RBFOX1: variants seen among roughly 807,000 people sequenced by gnomAD.
RBFOX1 encodes RNA binding protein fox-1 homolog 1.
In RBFOX1, 8 loss-of-function variants were observed where a neutral mutation model predicts 57.7. The observed-to-expected ratio is 0.14, with a 90% CI of 0.08 to 0.25. The LOEUF (loss-of-function observed/expected upper bound fraction) is 0.25, where lower values mean the gene tolerates loss of function less well. Among genes scored for constraint, RBFOX1 ranks in the 10% least tolerant of loss-of-function variants. The pLI is 1.00. For synonymous variants in RBFOX1, 326 were observed against 222.4 expected (o/e 1.47, Z -4.15); for missense variants, 611 against 548.5 (o/e 1.11, Z -1.14).
At chr16:6,173,000 A>G (rs972468286) in intron 1 of RBFOX1, among the ~76,000 whole-genome samples, 1 of 152,148 alleles carries the variant, frequency 6.6e-6, no homozygotes, top group African/African-American at 2.4e-5. Context: ...CTTCGAAGCC[A>G]GGGATGTAGC....
chr16:6,231,957 G>C (rs1437932195), intron 1 of RBFOX1, among the ~76,000 whole-genome samples: 1 of 147,280 alleles, frequency 6.8e-6, no homozygotes, highest in Non-Finnish European at 1.5e-5. Context: ...ATCAAATAAA[G>C]CAAATTATGC....
At position 7,321,617 on chromosome 16, in the gene RBFOX1, G is replaced by C. The variant is rs181550403; in HGVS notation, c.28-196530G>C. On this transcript the variant is annotated intron_variant, in intron 4 of 15. Transcript: ENST00000550418. Reference sequence around the variant, plus strand: ...CACAGTAATATGAAGATAGTCATAGGATTTACCTTATAGGATAGTTGTGAA... The same window carrying C: ...CACAGTAATATGAAGATAGTCATAGCATTTACCTTATAGGATAGTTGTGAA... Among the ~76,000 whole-genome samples, 41 of 152,284 alleles carry C rather than the reference G, an allele frequency of 2.7e-4. No individual in the cohort carries two copies. The East Asian group carries it at 7.7e-3, about 29-fold the overall frequency.
At chr16:6,046,040 G>C (rs77219091) in intron 1 of RBFOX1, among the ~76,000 whole-genome samples, 85 of 152,346 alleles carry the variant, frequency 5.6e-4, no homozygotes, top group African/African-American at 1.7e-3. Flanking sequence ...TAAGGACTTT[G>C]AGTGCTTTTC....
At chr16:6,509,943 G>C (rs748189851) in intron 2 of RBFOX1, among the ~76,000 whole-genome samples, 1 of 152,168 alleles carries the variant, frequency 6.6e-6, no homozygotes, top group Non-Finnish European at 1.5e-5. Context: ...CATAAGTGAT[G>C]GGATGTTTAC....
chr16:5,322,799 C>T (rs1282993148), intron 1 of RBFOX1, among the ~76,000 whole-genome samples: 1 of 152,204 alleles, frequency 6.6e-6, no homozygotes, highest in Non-Finnish European at 1.5e-5. Context: ...CTACCTTATT[C>T]TACTTATTTT....
chr16:6,798,446 G>A (rs1003176859), intron 3 of RBFOX1, among the ~76,000 whole-genome samples: 1 of 152,188 alleles, frequency 6.6e-6, no homozygotes, highest in East Asian at 1.9e-4. Flanking sequence ...ACAGAGAGCT[G>A]CTATGTTGTT....
intron 1 of RBFOX1, among the ~76,000 whole-genome samples, chr16:6,148,891 C>T (rs377562232): frequency 1.3e-5 from 2 of 152,098 alleles, no homozygotes; most frequent in Non-Finnish European, 2.9e-5. Context: ...TTTCCACCCC[C>T]CTCCCTGCCA....
intron 4 of RBFOX1, among the ~76,000 whole-genome samples, chr16:7,244,043 T>A (rs1157229009): frequency 1.3e-5 from 2 of 152,128 alleles, no homozygotes; most frequent in African/African-American, 4.8e-5. Flanking sequence ...TGATCTTTGT[T>A]TTCACAGCAA....
chr16:6,926,670 G>C (rs890855640), intron 3 of RBFOX1, among the ~76,000 whole-genome samples: 5 of 152,118 alleles, frequency 3.3e-5, no homozygotes, highest in African/African-American at 1.2e-4. Context: ...AAACATATGT[G>C]CATGGTTAAG....
chr16:7,322,427 C>T (rs1034571708), intron 4 of RBFOX1, among the ~76,000 whole-genome samples: 28 of 152,370 alleles, frequency 1.8e-4, no homozygotes, highest in African/African-American at 5.5e-4. Flanking sequence ...AACAGCCATC[C>T]AAGCTGTTAA....
chr16:7,510,003 T>A (rs1167999003), intron 4 of RBFOX1: 2 of 199,764 alleles, frequency 1.0e-5, no homozygotes, highest in Non-Finnish European at 1.7e-5. Context: ...TATATAATCA[T>A]CTGCTCAGTG....
chr16:7,678,891 C>T (rs2074055768), intron 14 of RBFOX1, among the ~76,000 whole-genome samples: 1 of 152,150 alleles, frequency 6.6e-6, no homozygotes, highest in African/African-American at 2.4e-5. Flanking sequence ...TCTTTAATAA[C>T]TGCAATTCCA....
intron 3 of RBFOX1, among the ~76,000 whole-genome samples, chr16:6,870,230 A>T (rs1199906472): frequency 6.6e-6 from 1 of 152,162 alleles, no homozygotes; most frequent in Admixed American, 6.5e-5. Flanking sequence ...CAAGAGAGTT[A>T]GCAGCCTGGG....
chr16:6,003,436 G>A (rs2060636247), intron 4 of RBFOX1, among the ~76,000 whole-genome samples: 1 of 152,090 alleles, frequency 6.6e-6, no homozygotes, highest in African/African-American at 2.4e-5. Flanking sequence ...TTCTCCTCCT[G>A]CATTTTGGTG....
At chr16:7,377,002 G>T (rs1286046621) in intron 4 of RBFOX1, among the ~76,000 whole-genome samples, 1 of 152,154 alleles carries the variant, frequency 6.6e-6, no homozygotes, top group Non-Finnish European at 1.5e-5. Flanking sequence ...GCTTGGAAAA[G>T]CAGTGATTTC....
At chr16:6,433,768 C>A (rs906357075) in intron 2 of RBFOX1, among the ~76,000 whole-genome samples, 6 of 151,970 alleles carry the variant, frequency 3.9e-5, no homozygotes, top group African/African-American at 1.5e-4. Flanking sequence ...CTTCCTCCAC[C>A]CTTCAAAGCA....
intron 14 of RBFOX1, among the ~76,000 whole-genome samples, chr16:7,702,407 A>G (rs972727532): frequency 6.6e-6 from 1 of 152,180 alleles, no homozygotes; most frequent in African/African-American, 2.4e-5. Context: ...TTGCCAAGAG[A>G]TTTGTCAGAA....
intron 4 of RBFOX1, among the ~76,000 whole-genome samples, chr16:7,287,854 C>T (rs1244356712): frequency 6.6e-6 from 1 of 152,096 alleles, no homozygotes; most frequent in African/African-American, 2.4e-5. Flanking sequence ...TATTACCTTC[C>T]CCCACCCATT....
chr16:7,045,285 AAAG>A (rs769338196), intron 3 of RBFOX1, among the ~76,000 whole-genome samples: 24 of 152,312 alleles, frequency 1.6e-4, no homozygotes, highest in East Asian at 1.2e-3. Context: ...TGACCCAAAA[AAAG>A]AAGCAGGATA....
Sources: allele counts gnomAD v4.1 joint callset (sites outside exome capture counted in the v4.1 genomes callset), GRCh38; gene constraint gnomAD v4.1.1; transcripts MANE v1.5; gene names NCBI Gene and HGNC (gene_info 2026-07-23, HGNC 2026-07-21).